Variants in ERGIC1 observed in about 807,000 individuals in gnomAD.
ERGIC1 encodes the protein endoplasmic reticulum-Golgi intermediate compartment protein 1.
ERGIC1 carries 19 observed loss-of-function variants against 38.3 expected under a neutral mutation model. The observed-to-expected ratio is 0.50, with a 90% CI of 0.35 to 0.73. ERGIC1 has a LOEUF of 0.73. Ranked by LOEUF, ERGIC1 falls within the 30% of genes least tolerant of loss-of-function variation. The pLI is 0.01. For synonymous variants in ERGIC1, 124 were observed against 157.6 expected (o/e 0.79, Z 1.60); for missense variants, 294 against 389.2 (o/e 0.76, Z 2.06).
intron 1 of ERGIC1, among the ~76,000 whole-genome samples, chr5:172,877,141 A>G (rs1230864781): frequency 2.6e-5 from 4 of 152,096 alleles, no homozygotes; most frequent in Admixed American, 2.6e-4. Flanking sequence ...TGGCTGTTCT[A>G]AGTCCTTTGT....
intron 7 of ERGIC1, among the ~76,000 whole-genome samples, chr5:172,929,153 A>ATG (rs70984922): frequency 0.15 from 23,089 of 149,956 alleles, 1,960 homozygotes; most frequent in African/African-American, 0.2. Context: ...ATATATATAT[A>ATG]TGTGTGTGTG....
chr5:172,941,228 T>C (rs1382320406), intron 9 of ERGIC1, among the ~76,000 whole-genome samples: 2 of 151,556 alleles, frequency 1.3e-5, no homozygotes, highest in Admixed American at 1.3e-4. Context: ...ATCGTGCCAC[T>C]GCACTCCAGC....
chr5:172,886,808 T>C (rs779069655), intron 1 of ERGIC1, among the ~76,000 whole-genome samples: 1 of 151,914 alleles, frequency 6.6e-6, no homozygotes, highest in Non-Finnish European at 1.5e-5. Flanking sequence ...GTGGTCATAG[T>C]TGAGCCCAGG....
At chr5:172,873,129 G>A (rs557794876) in intron 1 of ERGIC1, among the ~76,000 whole-genome samples, 60 of 152,362 alleles carry the variant, frequency 3.9e-4, no homozygotes, top group African/African-American at 1.4e-3. Flanking sequence ...ATTTTTATCC[G>A]ATGATGGGCC....
Position 172,947,161 on chromosome 5 carries a change from C to T in ERGIC1, c.766-3548C>T, listed in dbSNP as rs540656773. Among the ~76,000 whole-genome samples the T allele has an allele frequency of 6.8e-3, 948 of 140,062 alleles. 6 individuals are homozygous for T. The highest frequency in any genetic ancestry group is 0.022 in the Middle Eastern group (6 of 278). The allele number at this position is 140,062 out of a possible 152,430, so 91.9% of individuals were successfully genotyped here. On this transcript the variant is annotated intron_variant, in intron 9 of 9. Coordinates refer to ENST00000393784, the MANE Select transcript of ERGIC1 (RefSeq NM_001031711.3). ...TCACCCCATTGCACTCCAATCTGGG[C>T]GACAAGAGTGAGACTCAATCTCAAA...
intron 1 of ERGIC1, among the ~76,000 whole-genome samples, chr5:172,865,395 A>G (rs940753588): frequency 1.3e-5 from 2 of 152,256 alleles, no homozygotes; most frequent in Admixed American, 1.3e-4. Context: ...TAATATTAAC[A>G]TAAGCCAGTG....
chr5:172,924,140 C>G, intron 6 of ERGIC1, 31 bp downstream of exon 6: 1 of 1,603,962 alleles, frequency 6.2e-7, no homozygotes, highest in East Asian at 2.2e-5. Flanking sequence ...ATGGCATGGC[C>G]GGGGGTGGGC....
chr5:172,909,721 C>G lies in ERGIC1; in HGVS notation c.210C>G (p.Asp70Glu). The G allele has an allele frequency of 1.9e-6, 3 of 1,614,216 alleles. No homozygotes were observed. Among genetic ancestry groups the G allele is most frequent in the Non-Finnish European group, 2.5e-6 (3 of 1,180,026 alleles). ...ACAAGGACAGCGGTGGCAAGATCGACGTCAGTCTGAACATCAGTTTACCCA... is the reference window on the plus strand; with the variant it reads ...ACAAGGACAGCGGTGGCAAGATCGAGGTCAGTCTGAACATCAGTTTACCCA... ...DPDKDSGGKI[D>E]VSLNISLPNL... The change falls in exon 4 of 10, where the codon GAC becomes GAG. Residue 70 changes from aspartate (D) to glutamate (E), a missense_variant. Transcript: ENST00000393784.
intron 1 of ERGIC1, among the ~76,000 whole-genome samples, chr5:172,854,291 A>G (rs1329931769): frequency 6.6e-6 from 1 of 151,736 alleles, no homozygotes; most frequent in Non-Finnish European, 1.5e-5. Flanking sequence ...CTGAGGCGGG[A>G]GGATCACTTG....
At chr5:172,935,165 G>A in intron 8 of ERGIC1, 23 bp from the exon 9 acceptor site, 1 of 1,613,946 alleles carries the variant, frequency 6.2e-7, no homozygotes, top group Non-Finnish European at 8.5e-7. Context: ...TTGTACTTCT[G>A]ATTCTTATAT....
At chr5:172,935,018 AGGGCCTCCAG>A in intron 8 of ERGIC1, 160 bp from the exon 9 acceptor site, 1 of 947,442 alleles carries the variant, frequency 1.1e-6, no homozygotes, top group South Asian at 1.5e-5. Context: ...GGCAGAGTTC[AGGGCCTCCAG>A]GGGAAGGGAT....
At chr5:172,946,922 C>A (rs533476863) in intron 9 of ERGIC1, among the ~76,000 whole-genome samples, 1 of 151,970 alleles carries the variant, frequency 6.6e-6, no homozygotes, top group African/African-American at 2.4e-5. Context: ...GTGGCTCACA[C>A]CTGTAATCCC....
intron 4 of ERGIC1, among the ~76,000 whole-genome samples, chr5:172,912,921 A>G (rs1763243729): frequency 6.6e-6 from 1 of 152,080 alleles, no homozygotes; most frequent in South Asian, 2.1e-4. Flanking sequence ...GGCACCTGCC[A>G]CCATGCCCAG....
At chr5:172,924,209 C>T (rs549668819) in intron 6 of ERGIC1, 100 bp downstream of exon 6, 15 of 1,150,088 alleles carry the variant, frequency 1.3e-5, no homozygotes, top group Admixed American at 1.2e-4. Context: ...GAAGAGTTAC[C>T]GTTAAGGTGA....
At chr5:172,910,079 T>G (rs912898841) in intron 4 of ERGIC1, among the ~76,000 whole-genome samples, 1 of 152,024 alleles carries the variant, frequency 6.6e-6, no homozygotes, top group Admixed American at 6.6e-5. Flanking sequence ...GGGAGGAAGC[T>G]GTAAGGGAGA....
At chr5:172,862,096 ATTC>A (rs1291631565) in intron 1 of ERGIC1, among the ~76,000 whole-genome samples, 2 of 151,500 alleles carry the variant, frequency 1.3e-5, no homozygotes, top group Admixed American at 1.3e-4. Context: ...GGTTCAAGCG[ATTC>A]TCCTGCCTCA....
At chr5:172,914,508 C>T (rs1763299796) in intron 4 of ERGIC1, 3 of 781,338 alleles carry the variant, frequency 3.8e-6, no homozygotes, top group Admixed American at 4.3e-5. Context: ...GGGACCCCTA[C>T]TATGCACTGC....
intron 3 of ERGIC1, chr5:172,898,026 C>T (rs552898703): frequency 4.9e-6 from 2 of 407,150 alleles, no homozygotes; most frequent in East Asian, 3.6e-5. Context: ...GAATTAGACC[C>T]AGGAGCTTCC....
chr5:172,874,241 G>T (rs1762088386), intron 1 of ERGIC1, among the ~76,000 whole-genome samples: 1 of 152,144 alleles, frequency 6.6e-6, no homozygotes, highest in African/African-American at 2.4e-5. Flanking sequence ...ACCACGCCTG[G>T]CTACTTTTTT....
Sources: allele counts gnomAD v4.1 joint callset (sites outside exome capture counted in the v4.1 genomes callset), GRCh38; gene constraint gnomAD v4.1.1; transcripts MANE v1.5; gene names NCBI Gene and HGNC (gene_info 2026-07-23, HGNC 2026-07-21).